CDH3: variants seen among roughly 807,000 people sequenced by gnomAD.
CDH3 encodes the protein cadherin-3.
A neutral mutation model predicts 82.0 loss-of-function variants in CDH3; 54 were observed. That is an observed-to-expected ratio of 0.66 (90% confidence interval 0.53 to 0.83). The LOEUF (loss-of-function observed/expected upper bound fraction) is 0.83. CDH3 is among the 40% of genes least tolerant of loss of function. CDH3 has a pLI of 0.00. For missense variants in CDH3, 1,054 were observed against 1,084.6 expected (o/e 0.97, Z 0.40); for synonymous variants, 446 against 437.9 (o/e 1.02, Z -0.23).
chr16:68,650,751 T>C (rs9938591), intron 2 of CDH3, among the ~76,000 whole-genome samples: 149,974 of 152,232 alleles, frequency 0.99, 73,879 homozygotes, highest in East Asian at 1. Context: ...CACAGCTCAG[T>C]CCATAGCCTG....
intron 2 of CDH3, among the ~76,000 whole-genome samples, chr16:68,662,698 C>T (rs1023067008): frequency 2.0e-5 from 3 of 151,758 alleles, no homozygotes; most frequent in Non-Finnish European, 4.4e-5. Context: ...GCACCCGCCA[C>T]CACGCCCGGC....
chr16:68,681,614 A>T (rs1000450891), intron 8 of CDH3, among the ~76,000 whole-genome samples: 7 of 152,208 alleles, frequency 4.6e-5, no homozygotes, highest in Non-Finnish European at 5.9e-5. Flanking sequence ...GGCGGGCAGA[A>T]CACTTTTGAG....
At chr16:68,682,948 G>A (rs1199787515) in intron 9 of CDH3, among the ~76,000 whole-genome samples, 3 of 152,104 alleles carry the variant, frequency 2.0e-5, no homozygotes, top group Non-Finnish European at 4.4e-5. Flanking sequence ...GACGTGGGTT[G>A]GGTCAAAAAG....
intron 3 of CDH3, among the ~76,000 whole-genome samples, chr16:68,677,845 A>G (rs1261541984): frequency 6.6e-6 from 1 of 152,188 alleles, no homozygotes; most frequent in East Asian, 1.9e-4. Flanking sequence ...GATGTGCTGT[A>G]GTATATTTCA....
Position 68,698,174 on chromosome 16 carries a change from G to C in CDH3, c.2281-17G>C, listed in dbSNP as rs780340507. ...CAGGACCCGCCGCTCCTAACTACCTGTTCTCTGTTGCCGCAGAACCTGAAG... is the reference window on the plus strand; with the variant it reads ...CAGGACCCGCCGCTCCTAACTACCTCTTCTCTGTTGCCGCAGAACCTGAAG... On this transcript the variant is annotated splice_polypyrimidine_tract_variant and intron_variant, in intron 15 of 15. Transcript: ENST00000264012. 6.2e-7 allele frequency: 1 copy of C among 1,613,944 alleles called. No individual in the cohort carries two copies. The highest frequency in any genetic ancestry group is 8.5e-7 in the Non-Finnish European group (1 of 1,179,842).
chr16:68,713,653 G>A (rs1305951959), intron 1 of CDH3, among the ~76,000 whole-genome samples: 3 of 152,026 alleles, frequency 2.0e-5, no homozygotes, highest in South Asian at 4.1e-4. Context: ...AAACACTTCC[G>A]TTCTGTTCCC....
chr16:68,727,036 A>G (rs1368400663), intron 2 of CDH3, among the ~76,000 whole-genome samples: 2 of 152,188 alleles, frequency 1.3e-5, no homozygotes, highest in African/African-American at 4.8e-5. Context: ...CTGAGTGAGG[A>G]AAAGTCACCC....
chr16:68,677,483 A>G (rs988009382), intron 3 of CDH3, among the ~76,000 whole-genome samples: 1 of 152,228 alleles, frequency 6.6e-6, no homozygotes, highest in African/African-American at 2.4e-5. Flanking sequence ...CACGCGTGTA[A>G]TCCCAGCACT....
intron 2 of CDH3, chr16:68,651,699 T>C (rs976732891): frequency 1.2e-5 from 6 of 513,738 alleles, no homozygotes; most frequent in African/African-American, 1.2e-4. Context: ...GGAGAGGTTT[T>C]CTAGCTGGTG....
intron 2 of CDH3, among the ~76,000 whole-genome samples, chr16:68,650,733 C>G (rs975022903): frequency 6.6e-6 from 1 of 152,178 alleles, no homozygotes; most frequent in East Asian, 1.9e-4. Context: ...CAGGTCTCTT[C>G]TCCCCAGCAC....
chr16:68,672,201 A>AAATAAAT (rs1555505632), intron 2 of CDH3, among the ~76,000 whole-genome samples: 1 of 145,130 alleles, frequency 6.9e-6, no homozygotes, highest in Non-Finnish European at 1.5e-5. Context: ...AAAAAAAAAA[A>AAATAAAT]AAATAAATAA....
At chr16:68,673,157 T>C (rs1960932493) in intron 2 of CDH3, among the ~76,000 whole-genome samples, 1 of 152,218 alleles carries the variant, frequency 6.6e-6, no homozygotes, top group South Asian at 2.1e-4. Flanking sequence ...GTTGGGTCTG[T>C]ACATCACAGT....
chr16:68,680,440 A>G (rs1961185846), intron 7 of CDH3, among the ~76,000 whole-genome samples: 1 of 152,192 alleles, frequency 6.6e-6, no homozygotes, highest in African/African-American at 2.4e-5. Context: ...GCACTTTGGG[A>G]GGCCAAGGCG....
chr16:68,722,298 G>A lies in CDH3; in HGVS notation c.100-127G>A, dbSNP rs538304515. The stretch of plus-strand genomic sequence containing the variant: ...TGAATGAATGAATGAATGAATGAAC[G>A]AGTGAGTGAGTGAGTTAATGTGGCC... On this transcript the variant is annotated intron_variant, in intron 1 of 2. Coordinates refer to the CDH3 transcript ENST00000569080. The A allele has an allele frequency of 9.2e-5, 14 of 152,312 alleles. No homozygotes were observed. In the East Asian group the frequency reaches 1.3e-3, roughly 15 times the overall value. 9.4% of individuals were successfully genotyped at this position (152,312 alleles called of 1,614,324 possible). A position where few individuals can be genotyped will look rare whatever the true frequency, so the allele number is the denominator to read the frequency against.
rs1422273293 is a variant in CDH3 at position 68,681,003 on chromosome 16, A to G, written c.903A>G (p.Thr301=). 3.7e-6 allele frequency: 6 copies of G among 1,613,846 alleles called. No individual in the cohort carries two copies. Among genetic ancestry groups the G allele is most frequent in the Non-Finnish European group, 4.2e-6 (5 of 1,179,748 alleles). ...VPEYTLTIQA[T]DMDGDGSTTT... is the part of the protein sequence containing the mutation. ...AGTACACACTGACCATCCAGGCCAC[A>G]GACATGGATGGGGACGGCTCCACCA... Residue 301 remains threonine, a synonymous_variant, in exon 8 of 16, where the codon ACA becomes ACG. Transcript: ENST00000264012.
At chr16:68,695,968 C>T (rs930551633) in intron 15 of CDH3, 45 bp downstream of exon 15, 39 of 1,603,602 alleles carry the variant, frequency 2.4e-5, no homozygotes, top group Non-Finnish European at 3.1e-5. Context: ...TATTCAAGCC[C>T]AGCACCAGCC....
At chr16:68,710,739 G>A (rs569783044) in intron 1 of CDH3, among the ~76,000 whole-genome samples, 15 of 151,484 alleles carry the variant, frequency 9.9e-5, no homozygotes, top group Admixed American at 2.6e-4. Context: ...AGCTACTCAG[G>A]AGGCCGGGGC....
chr16:68,727,833 C>T (rs758262325), downstream of CDH3, among the ~76,000 whole-genome samples: 5 of 151,968 alleles, frequency 3.3e-5, no homozygotes, highest in African/African-American at 7.2e-5. Context: ...CGCTTGAAAT[C>T]GGAAGGCAGA....
chr16:68,672,682 A>T (rs918344488), intron 2 of CDH3, among the ~76,000 whole-genome samples: 2 of 152,014 alleles, frequency 1.3e-5, no homozygotes, highest in African/African-American at 4.8e-5. Context: ...CTCGGCGGGG[A>T]TGTCGTCAAG....
Sources: allele counts gnomAD v4.1 joint callset (sites outside exome capture counted in the v4.1 genomes callset), GRCh38; gene constraint gnomAD v4.1.1; transcripts MANE v1.5; gene names NCBI Gene and HGNC (gene_info 2026-07-23, HGNC 2026-07-21).